The following FANCC variants were observed in gnomAD, a reference collection of about 807,000 sequenced individuals.
The protein encoded by FANCC is Fanconi anemia group C protein.
In FANCC, 55 loss-of-function variants were observed where a neutral mutation model predicts 71.3. That is an observed-to-expected ratio of 0.77 (90% CI 0.62 to 0.97). The LOEUF (loss-of-function observed/expected upper bound fraction) is 0.97, where lower values mean the gene tolerates loss of function less well. Among genes scored for constraint, FANCC ranks in the 50% least tolerant of loss-of-function variants. FANCC has a pLI of 0.00. For synonymous variants in FANCC, 275 were observed against 244.9 expected (o/e 1.12, Z -1.15); for missense variants, 678 against 670.9 (o/e 1.01, Z -0.12).
intron 10 of FANCC, among the ~76,000 whole-genome samples, chr9:95,122,567 C>G (rs1018875360): frequency 1.3e-5 from 2 of 152,188 alleles, no homozygotes; most frequent in African/African-American, 4.8e-5. Flanking sequence ...CACACCAGGA[C>G]CCAGTGTGTG....
intron 7 of FANCC, among the ~76,000 whole-genome samples, chr9:95,137,102 GGCGTAAGCC>G (rs1237910327): frequency 6.6e-6 from 1 of 152,146 alleles, no homozygotes; most frequent in African/African-American, 2.4e-5. Flanking sequence ...CTAAAGTGGG[GGCGTAAGCC>G]TCCCACCGAC....
intron 6 of FANCC, among the ~76,000 whole-genome samples, chr9:95,151,517 C>T (rs1024355949): frequency 4.6e-5 from 7 of 152,192 alleles, no homozygotes; most frequent in African/African-American, 1.7e-4. Context: ...TGTAATTTAA[C>T]AATGCCACTA....
intron 1 of FANCC, among the ~76,000 whole-genome samples, chr9:95,260,042 C>G (rs1234381794): frequency 6.6e-6 from 1 of 152,220 alleles, no homozygotes; most frequent in East Asian, 1.9e-4. Flanking sequence ...CAGGAAACAA[C>G]AGATGCCGAA....
chr9:95,228,296 C>G (rs983246040), intron 4 of FANCC, among the ~76,000 whole-genome samples: 1 of 152,182 alleles, frequency 6.6e-6, no homozygotes, highest in Non-Finnish European at 1.5e-5. Flanking sequence ...AATTTATAAA[C>G]AAACTCACAG....
At position 95,135,459 on chromosome 9, in the gene FANCC, G is replaced by A; in HGVS notation, c.730C>T (p.Leu244Phe). 6.2e-7 allele frequency: 1 copy of A among 1,614,090 alleles called. No individual in the cohort carries two copies. The highest frequency in any genetic ancestry group is 8.5e-7 in the Non-Finnish European group (1 of 1,180,016). Residue 244 changes from leucine to phenylalanine, a missense_variant, in exon 8 of 15, where the codon CTT (leucine) becomes TTT (phenylalanine). Coordinates refer to ENST00000289081, the MANE Select transcript of FANCC (RefSeq NM_000136.3). Reference protein sequence around the residue: ...LPMSAVVCLWLRHLPSLEKAM... With the variant: ...LPMSAVVCLWFRHLPSLEKAM... ...TTTTCAAGGCTGGGAAGGTGCCGAA[G>A]CCAGAGGCAGACTACAGCTGACATG...
intron 7 of FANCC, among the ~76,000 whole-genome samples, chr9:95,143,540 T>A (rs1829077513): frequency 6.6e-6 from 1 of 152,170 alleles, no homozygotes; most frequent in African/African-American, 2.4e-5. Flanking sequence ...ACTCAGGAAA[T>A]TTCAAGGGTT....
chr9:95,243,351 GTCTCT>G (rs1830744310), intron 3 of FANCC, among the ~76,000 whole-genome samples: 1 of 152,104 alleles, frequency 6.6e-6, no homozygotes, highest in Non-Finnish European at 1.5e-5. Flanking sequence ...TATCTATTTT[GTCTCT>G]TCTCTTTTCA....
At chr9:95,277,404 A>T (rs934196315) in intron 1 of FANCC, among the ~76,000 whole-genome samples, 10 of 152,234 alleles carry the variant, frequency 6.6e-5, no homozygotes, top group African/African-American at 2.4e-4. Flanking sequence ...GTTTCAGATG[A>T]CGGATATGCT....
At chr9:95,196,409 A>G (rs1179196729) in intron 4 of FANCC, among the ~76,000 whole-genome samples, 1 of 152,124 alleles carries the variant, frequency 6.6e-6, no homozygotes. Flanking sequence ...TGATTGATTT[A>G]TAATATTTTA....
chr9:95,139,257 C>G (rs1276376592), intron 7 of FANCC, among the ~76,000 whole-genome samples: 1 of 152,172 alleles, frequency 6.6e-6, no homozygotes, highest in Admixed American at 6.5e-5. Context: ...CAGTTTCACC[C>G]TCTCCGTGTA....
rs778458747 is a variant in FANCC, at chr9:95,100,148, C to T, written c.*1559G>A. 4 of 232,778 alleles carry T rather than the reference C, an allele frequency of 1.7e-5. No homozygotes were observed. The highest frequency in any genetic ancestry group is 2.5e-5 in the Non-Finnish European group (3 of 117,826). The allele number at this position is 232,778 out of a possible 1,614,324, so 14.4% of individuals were successfully genotyped here. A position where few individuals can be genotyped will look rare whatever the true frequency, so the allele number is the denominator to read the frequency against. ...TGCAGCTCCTTTTTCAACCCCAACA[C>T]CTCTGACGAAGCATGTTTGTTATAT... On this transcript the variant is annotated 3_prime_UTR_variant, in exon 15 of 15. Coordinates refer to ENST00000289081, the MANE Select transcript of FANCC (RefSeq NM_000136.3).
chr9:95,155,685 C>A (rs1269909130), intron 6 of FANCC, among the ~76,000 whole-genome samples: 1 of 152,050 alleles, frequency 6.6e-6, no homozygotes, highest in Non-Finnish European at 1.5e-5. Context: ...TTAAAAGACT[C>A]TGCTGGATGG....
In FANCC at chr9:95,099,152, G is replaced by T. The variant is rs1338639511; in HGVS notation, c.*2555C>A. On this transcript the variant is annotated 3_prime_UTR_variant, in exon 15 of 15. Coordinates refer to ENST00000289081, the MANE Select transcript of FANCC (RefSeq NM_000136.3). ...TTCCACAGATGTCACGGAGTCCAGG[G>T]GAATAACAGCCTGGTTGGAGGGGCG... 1 of 216,326 alleles carries T rather than the reference G, an allele frequency of 4.6e-6. No homozygotes were observed. Among genetic ancestry groups the T allele is most frequent in the East Asian group, 6.8e-5 (1 of 14,602 alleles). 13.4% of individuals were successfully genotyped at this position (216,326 alleles called of 1,614,324 possible). A position where few individuals can be genotyped will look rare whatever the true frequency, so the allele number is the denominator to read the frequency against.
intron 4 of FANCC, among the ~76,000 whole-genome samples, chr9:95,227,594 G>A (rs1297403334): frequency 6.6e-6 from 1 of 152,112 alleles, no homozygotes; most frequent in Non-Finnish European, 1.5e-5. Context: ...GCCAATTCCT[G>A]CCCTCCTGCA....
At chr9:95,204,296 T>C (rs1392041526) in intron 4 of FANCC, among the ~76,000 whole-genome samples, 1 of 152,250 alleles carries the variant, frequency 6.6e-6, no homozygotes, top group African/African-American at 2.4e-5. Flanking sequence ...ATCTGTTTTA[T>C]GAATGGAGTT....
chr9:95,111,535 G>C lies in FANCC; in HGVS notation c.1257C>G (p.Pro419=), dbSNP rs878853669. ...AGGCCAAGAGCCACAGCAGGGCCGT[G>C]GGGGGTTCGGCTGCCGACATCAGTA... The part of the protein sequence containing the change: ...EQLLMSAAEP[P]TALLWLLAFY... Residue 419 remains proline (P), a synonymous_variant, in exon 13 of 15, where the codon CCC becomes CCG. Transcript: ENST00000289081. 2 of 1,614,100 alleles carry C rather than the reference G, an allele frequency of 1.2e-6. No individual in the cohort carries two copies. The highest frequency in any genetic ancestry group is 1.7e-6 in the Non-Finnish European group (2 of 1,180,028).
At chr9:95,218,750 T>C (rs187282531) in intron 4 of FANCC, among the ~76,000 whole-genome samples, 1 of 152,292 alleles carries the variant, frequency 6.6e-6, no homozygotes, top group East Asian at 1.9e-4. Context: ...CATTTAAAAA[T>C]AGTCAGCATT....
chr9:95,148,673 G>C (rs1479711651), intron 7 of FANCC, among the ~76,000 whole-genome samples: 6 of 152,150 alleles, frequency 3.9e-5, no homozygotes. Flanking sequence ...ATAACTCAAT[G>C]AATGAAGATT....
Position 95,274,992 on chromosome 9 carries a change from T to C in FANCC, c.-78-25623A>G, listed in dbSNP as rs139398011. 5.6e-3 allele frequency among the ~76,000 whole-genome samples: 850 copies of C among 151,244 alleles called. 10 individuals carry two copies. The highest frequency in any genetic ancestry group is 0.02 in the African/African-American group (809 of 41,148). ...TTTAAAAATAAAAACAGGCCAGGCG[T>C]GGTGGCTCATGCTTGTAATCCCAGC... On this transcript the variant is annotated intron_variant, in intron 1 of 14. Coordinates refer to ENST00000289081, the MANE Select transcript of FANCC (RefSeq NM_000136.3).
Sources: gnomAD v4.1 joint callset for allele counts (sites outside exome capture counted in the v4.1 genomes callset) on GRCh38, gnomAD v4.1.1 for gene constraint, MANE v1.5 for transcripts, NCBI Gene and HGNC (gene_info 2026-07-23, HGNC 2026-07-21) for gene names.